Variants in EHHADH observed in about 807,000 individuals in gnomAD.
EHHADH encodes the protein enoyl-CoA hydratase and 3-hydroxyacyl CoA dehydrogenase.
In EHHADH, 48 loss-of-function variants were observed where a neutral mutation model predicts 64.4. The ratio of observed to expected loss-of-function variants is 0.75; its 90% CI spans 0.59 to 0.95. The LOEUF (loss-of-function observed/expected upper bound fraction) is 0.95. Among genes scored for constraint, EHHADH ranks in the 40% least tolerant of loss-of-function variants. EHHADH has a pLI of 0.00. For synonymous variants in EHHADH, 308 were observed against 326.7 expected, an observed-to-expected ratio of 0.94 and a Z score of 0.62; for missense variants, 854 against 876.6, an observed-to-expected ratio of 0.97 and a Z score of 0.33.
intron 6 of EHHADH, among the ~76,000 whole-genome samples, chr3:185,198,885 A>C (rs1718149331): frequency 6.6e-6 from 1 of 152,026 alleles, no homozygotes; most frequent in South Asian, 2.1e-4. Context: ...TACATACATA[A>C]ATAAAAAGGT....
At chr3:185,228,553 C>A (rs943625064) in intron 4 of EHHADH, among the ~76,000 whole-genome samples, 12 of 150,922 alleles carry the variant, frequency 8.0e-5, no homozygotes, top group Admixed American at 5.9e-4. Flanking sequence ...TAGCACATGC[C>A]TGTAATCCCA....
At chr3:185,202,409 C>T (rs1718255751) in intron 6 of EHHADH, among the ~76,000 whole-genome samples, 1 of 151,124 alleles carries the variant, frequency 6.6e-6, no homozygotes, top group Non-Finnish European at 1.5e-5. Context: ...GAAAGGAGCA[C>T]AATGTATTTA....
intron 6 of EHHADH, among the ~76,000 whole-genome samples, chr3:185,201,014 A>G (rs1361073666): frequency 6.6e-6 from 1 of 152,198 alleles, no homozygotes; most frequent in East Asian, 1.9e-4. Flanking sequence ...GAAAATAAAG[A>G]TAAGGGGAGC....
intron 6 of EHHADH, among the ~76,000 whole-genome samples, chr3:185,203,517 C>G (rs543660403): frequency 1.2e-3 from 186 of 152,264 alleles, no homozygotes; most frequent in Middle Eastern, 3.4e-3. Flanking sequence ...AAAGACCGTT[C>G]TTGAGCCGAG....
chr3:185,199,949 T>C (rs2108626945), intron 6 of EHHADH, among the ~76,000 whole-genome samples: 1 of 152,262 alleles, frequency 6.6e-6, no homozygotes, highest in Middle Eastern at 3.4e-3. Flanking sequence ...CGTGGGTAGT[T>C]GCAACAGAGA....
chr3:185,242,178 A>T (rs777030546), intron 2 of EHHADH, among the ~76,000 whole-genome samples: 1 of 152,242 alleles, frequency 6.6e-6, no homozygotes, highest in African/African-American at 2.4e-5. Context: ...TGATGTTAAC[A>T]AATGGAAACA....
chr3:185,213,143 A>AAAAAAAAAAAAAAAAAAAAAC (rs1718592280), intron 5 of EHHADH, among the ~76,000 whole-genome samples: 2 of 146,556 alleles, frequency 1.4e-5, no homozygotes, highest in East Asian at 2.0e-4. Flanking sequence ...AAAAAAAAAA[A>AAAAAAAAAAAAAAAAAAAAAC]AAAGACTATA....
In EHHADH at chr3:185,253,772, A is replaced by AAAAAG. The variant is rs1553780972; in HGVS notation, c.74+172_74+176dup. ...AAGCTAATCTAGGTTAAAAAAAAAA[A>AAAAAG]AAAAGAAAAGAAAAAGAAAGAAAGA... On this transcript the variant is annotated intron_variant, in intron 1 of 6. Coordinates refer to ENST00000231887, the MANE Select transcript of EHHADH (RefSeq NM_001966.4). 43,990 of 1,321,552 alleles carry AAAAAG rather than the reference A, an allele frequency of 0.033. 485 individuals carry two copies. Among genetic ancestry groups the AAAAAG allele is most frequent in the African/African-American group, 0.11 (6,783 of 64,402 alleles). The allele number at this position is 1,321,552 out of a possible 1,614,324, so 81.9% of individuals were successfully genotyped here. A position where few individuals can be genotyped will look rare whatever the true frequency, so the allele number is the denominator to read the frequency against.
In EHHADH at chr3:185,190,932, T is replaced by C. The variant is rs572656313; in HGVS notation, c.*1294A>G. 6.6e-6 allele frequency: 1 copy of C among 152,368 alleles called. No homozygotes were observed. Among genetic ancestry groups the C allele is most frequent in the Admixed American group, 6.5e-5 (1 of 15,310 alleles). 9.4% of individuals were successfully genotyped at this position (152,368 alleles called of 1,614,324 possible). A position where few individuals can be genotyped will look rare whatever the true frequency, so the allele number is the denominator to read the frequency against. ...ATTTACTAACAACTTTATTGAGATATAATTCACATACCATATAATTCACCC... is the reference window on the plus strand; with the variant it reads ...ATTTACTAACAACTTTATTGAGATACAATTCACATACCATATAATTCACCC... On this transcript the variant is annotated 3_prime_UTR_variant, in exon 7 of 7. Coordinates refer to ENST00000231887, the MANE Select transcript of EHHADH (RefSeq NM_001966.4).
intron 2 of EHHADH, among the ~76,000 whole-genome samples, chr3:185,239,389 A>T (rs1719388248): frequency 6.6e-6 from 1 of 152,156 alleles, no homozygotes; most frequent in Non-Finnish European, 1.5e-5. Flanking sequence ...GTCCATTTTA[A>T]CAATATTGAT....
intron 4 of EHHADH, among the ~76,000 whole-genome samples, chr3:185,222,327 G>A (rs1054296430): frequency 6.6e-6 from 1 of 152,136 alleles, no homozygotes; most frequent in African/African-American, 2.4e-5. Flanking sequence ...AGGCTGCAGT[G>A]AGCCGAGATC....
At chr3:185,194,361 C>G (rs906571783) in intron 6 of EHHADH, among the ~76,000 whole-genome samples, 5 of 152,014 alleles carry the variant, frequency 3.3e-5, no homozygotes, top group African/African-American at 1.2e-4. Context: ...ACTTGTAATC[C>G]CAGCACTCTG....
chr3:185,205,105 T>G (rs1267267056), intron 5 of EHHADH, among the ~76,000 whole-genome samples: 1 of 151,604 alleles, frequency 6.6e-6, no homozygotes, highest in Admixed American at 6.6e-5. Flanking sequence ...TTAATATTAA[T>G]ATATTAAATA....
At chr3:185,226,276 G>T (rs1338766482) in intron 4 of EHHADH, among the ~76,000 whole-genome samples, 1 of 152,212 alleles carries the variant, frequency 6.6e-6, no homozygotes, top group East Asian at 1.9e-4. Flanking sequence ...TCTATGGAGA[G>T]GTCCCCGTAC....
intron 5 of EHHADH, among the ~76,000 whole-genome samples, chr3:185,209,841 G>GT (rs1184819087): frequency 3.9e-5 from 6 of 152,214 alleles, no homozygotes; most frequent in Non-Finnish European, 8.8e-5. Context: ...GAAGACAGTG[G>GT]TTATAGGCAT....
chr3:185,207,281 C>A (rs1718422145), intron 5 of EHHADH, among the ~76,000 whole-genome samples: 1 of 148,018 alleles, frequency 6.8e-6, no homozygotes, highest in Admixed American at 6.7e-5. Flanking sequence ...GAGTGAGACC[C>A]CATTTCAAAA....
intron 4 of EHHADH, among the ~76,000 whole-genome samples, chr3:185,227,271 G>A (rs903818516): frequency 5.3e-5 from 8 of 152,142 alleles, no homozygotes; most frequent in Non-Finnish European, 8.8e-5. Flanking sequence ...AGCAGCTCAC[G>A]CCTGTAATCC....
At chr3:185,240,330 T>C (rs1719414813) in intron 2 of EHHADH, among the ~76,000 whole-genome samples, 1 of 152,002 alleles carries the variant, frequency 6.6e-6, no homozygotes, top group South Asian at 2.1e-4. Flanking sequence ...TCAGAATAGT[T>C]TCAGGAAGAT....
At position 185,253,772 on chromosome 3, in the gene EHHADH, A is replaced by G. The variant is rs532863658; in HGVS notation, c.74+177T>C. 1,468 of 1,332,518 alleles carry G rather than the reference A, an allele frequency of 1.1e-3. 17 individuals carry two copies. The African/African-American group carries it at 0.017, about 15-fold the overall frequency. 82.5% of individuals were successfully genotyped at this position (1,332,518 alleles called of 1,614,324 possible). A position where few individuals can be genotyped will look rare whatever the true frequency, so the allele number is the denominator to read the frequency against. On this transcript the variant is annotated intron_variant, in intron 1 of 6. Transcript: ENST00000231887. ...AAGCTAATCTAGGTTAAAAAAAAAA[A>G]AAAAGAAAAGAAAAAGAAAGAAAGA... is the stretch of plus-strand genomic sequence containing the variant.
Sources: allele counts gnomAD v4.1 joint callset (sites outside exome capture counted in the v4.1 genomes callset), GRCh38; gene constraint gnomAD v4.1.1; transcripts MANE v1.5; gene names NCBI Gene and HGNC (gene_info 2026-07-23, HGNC 2026-07-21).